The following MCF2L variants were observed in gnomAD, a reference collection of about 807,000 sequenced individuals.
MCF2L encodes MCF.2 cell line derived transforming sequence like.
Under a neutral mutation model 153.4 loss-of-function variants are expected in MCF2L, and 97 were observed. The ratio of observed to expected loss-of-function variants is 0.63; its 90% CI spans 0.54 to 0.75. The LOEUF is 0.75. Among genes scored for constraint, MCF2L ranks in the 30% least tolerant of loss-of-function variants. MCF2L has a pLI of 0.00. For synonymous variants in MCF2L, 659 were observed against 632.2 expected, an observed-to-expected ratio of 1.04 and a Z score of -0.64; for missense variants, 1,347 against 1,495.2, an observed-to-expected ratio of 0.90 and a Z score of 1.64.
chr13:112,919,205 ATTTTT>A (rs11431408), intron 2 of MCF2L, among the ~76,000 whole-genome samples: 10 of 125,664 alleles, frequency 8.0e-5, no homozygotes, highest in Admixed American at 7.0e-4. Flanking sequence ...AAGAATTTGC[ATTTTT>A]TTTTTTTTTT....
intron 27 of MCF2L, chr13:113,095,034 C>G: frequency 7.3e-7 from 1 of 1,369,498 alleles, no homozygotes; most frequent in East Asian, 4.5e-5. Context: ...ACAGTCCCCA[C>G]CCCCCTACCC....
At chr13:112,997,439 G>T (rs1286647632) in intron 1 of MCF2L, among the ~76,000 whole-genome samples, 1 of 152,230 alleles carries the variant, frequency 6.6e-6, no homozygotes, top group Non-Finnish European at 1.5e-5. Context: ...CCCGTACGTG[G>T]ACAGCAGAGT....
At chr13:113,026,569 T>C (rs1179754755) in intron 3 of MCF2L, among the ~76,000 whole-genome samples, 3 of 152,208 alleles carry the variant, frequency 2.0e-5, no homozygotes, top group Non-Finnish European at 4.4e-5. Flanking sequence ...CGCATGCCTG[T>C]TCGATCAGCA....
At position 112,938,477 on chromosome 13, in the gene MCF2L, C is replaced by G. The variant is rs138892557; in HGVS notation, c.169+36106C>G. On this transcript the variant is annotated intron_variant, in intron 2 of 29. Transcript: ENST00000375608. ...CCCAGTTGGGCACTCCGGGTGGGCT[C>G]TTTCGGGTCCACATTTGTTCACAAT... Among the ~76,000 whole-genome samples the G allele has an allele frequency of 2.5e-3, 378 of 152,266 alleles. 1 individual carries two copies. Among genetic ancestry groups the G allele is most frequent in the African/African-American group, 8.9e-3 (368 of 41,554 alleles).
In MCF2L at chr13:112,993,266, G is replaced by A. The variant is rs1424274210; in HGVS notation, c.80-21497G>A. Among the ~76,000 whole-genome samples, 3 of 152,258 alleles carry A rather than the reference G, an allele frequency of 2.0e-5. No homozygotes were observed. Among genetic ancestry groups the A allele is most frequent in the Admixed American group, 1.3e-4 (2 of 15,290 alleles). ...GTCTTCGTGTGAACATGGTGGCGGG[G>A]GAGCGCCGGGCACACAACATGGTGG... On this transcript the variant is annotated intron_variant, in intron 1 of 29. Coordinates refer to ENST00000535094, the MANE Select transcript of MCF2L (RefSeq NM_001112732.3). The surrounding 1 kb of genome is among the most constrained non-coding windows in gnomAD (Gnocchi z 4.6).
intron 1 of MCF2L, among the ~76,000 whole-genome samples, chr13:112,970,887 G>A (rs1203086975): frequency 6.6e-6 from 1 of 152,176 alleles, no homozygotes; most frequent in African/African-American, 2.4e-5. Flanking sequence ...GTCTCATCTG[G>A]AACAGGCAGT....
At chr13:112,999,056 G>A (rs1245656980) in intron 1 of MCF2L, among the ~76,000 whole-genome samples, 3 of 152,224 alleles carry the variant, frequency 2.0e-5, no homozygotes, top group African/African-American at 4.8e-5. Flanking sequence ...TCCGGCCTCT[G>A]ATGGGCATTA....
chr13:113,040,169 G>T (rs916741712), intron 3 of MCF2L, among the ~76,000 whole-genome samples: 1 of 152,184 alleles, frequency 6.6e-6, no homozygotes, highest in Non-Finnish European at 1.5e-5. Context: ...AAATTCAACG[G>T]CAGGCAAAAC....
In MCF2L at chr13:113,046,572, T is replaced by G; in HGVS notation, c.369+1211T>G. ...AAAAGTCATTCCTTTCCCCGCACATTGCCTCATTCCTTCATCTTTTACAAG... is the reference window on the plus strand; with the variant it reads ...AAAAGTCATTCCTTTCCCCGCACATGGCCTCATTCCTTCATCTTTTACAAG... On this transcript the variant is annotated intron_variant, in intron 4 of 29. Coordinates refer to ENST00000535094, the MANE Select transcript of MCF2L (RefSeq NM_001112732.3). The surrounding 1 kb of genome is among the most constrained non-coding windows in gnomAD (Gnocchi z 4.4). 1 of 533,406 alleles carries G rather than the reference T, an allele frequency of 1.9e-6. No homozygotes were observed. The highest frequency in any genetic ancestry group is 3.8e-6 in the Non-Finnish European group (1 of 259,918). The allele number at this position is 533,406 out of a possible 1,614,324, so 33.0% of individuals were successfully genotyped here. A position where few individuals can be genotyped will look rare whatever the true frequency, so the allele number is the denominator to read the frequency against.
chr13:113,090,046 GT>G, intron 26 of MCF2L: 1 of 1,583,280 alleles, frequency 6.3e-7, no homozygotes, highest in East Asian at 2.3e-5. Flanking sequence ...CCTCTGCATA[GT>G]TTCTTTCTCT....
chr13:113,045,065 C>T lies in MCF2L; in HGVS notation c.279-206C>T, dbSNP rs1214764252. 5.9e-6 allele frequency: 6 copies of T among 1,023,972 alleles called. No individual in the cohort carries two copies. Among genetic ancestry groups the T allele is most frequent in the Non-Finnish European group, 7.2e-6 (5 of 696,340 alleles). 63.4% of individuals were successfully genotyped at this position (1,023,972 alleles called of 1,614,324 possible). Reference sequence around the variant, plus strand: ...GAGAAATAAGAACACACCAAAAGTGCCTGCCCTTCCGTAGATGAGAGCAGG... The same window carrying T: ...GAGAAATAAGAACACACCAAAAGTGTCTGCCCTTCCGTAGATGAGAGCAGG... On this transcript the variant is annotated intron_variant, in intron 3 of 29. Coordinates refer to ENST00000535094, the MANE Select transcript of MCF2L (RefSeq NM_001112732.3). This position sits in a 1 kb window ranked among gnomAD's most constrained non-coding sequence, Gnocchi z 4.2.
rs1351395301 is a variant in MCF2L at position 113,074,418 on chromosome 13, C to A, written c.997-26C>A. The A allele has an allele frequency of 2.5e-6, 4 of 1,604,226 alleles. No homozygotes were observed. The highest frequency in any genetic ancestry group is 2.2e-5 in the East Asian group (1 of 44,604). The stretch of plus-strand genomic sequence containing the variant: ...CTGTTCAGGTGAGGGAGACACCCCC[C>A]TGAGATGGGCCCTCCTCTGTTCCAG... On this transcript the variant is annotated intron_variant, in intron 9 of 29. Transcript: ENST00000535094. The surrounding 1 kb of genome is among the most constrained non-coding windows in gnomAD (Gnocchi z 4.2).
At chr13:112,908,575 G>A (rs1335569726) in intron 2 of MCF2L, among the ~76,000 whole-genome samples, 7 of 152,118 alleles carry the variant, frequency 4.6e-5, no homozygotes, top group African/African-American at 1.7e-4. Flanking sequence ...GAAGTTAGGG[G>A]TTTCTGCCTG....
intron 4 of MCF2L, among the ~76,000 whole-genome samples, chr13:113,055,541 C>G (rs1482229988): frequency 1.3e-5 from 2 of 152,082 alleles, no homozygotes; most frequent in Non-Finnish European, 2.9e-5. Flanking sequence ...ATTCATCGCA[C>G]CATCAGAAAA....
rs2082973882 is a variant in MCF2L, at chr13:112,993,439, G to A, written c.80-21324G>A. Among the ~76,000 whole-genome samples, 1 of 152,172 alleles carries A rather than the reference G, an allele frequency of 6.6e-6. No individual in the cohort carries two copies. The highest frequency in any genetic ancestry group is 1.5e-5 in the Non-Finnish European group (1 of 68,032). On this transcript the variant is annotated intron_variant, in intron 1 of 29. Transcript: ENST00000535094. The surrounding 1 kb of genome is among the most constrained non-coding windows in gnomAD (Gnocchi z 4.6). The stretch of plus-strand genomic sequence containing the variant: ...GAAATGAGACTCAGCTTTCAGCAAG[G>A]AAATCAGGGAGCAGGTGGCAGTCGG...
rs773534963 is a variant in MCF2L at position 113,060,665 on chromosome 13, G to A, written c.442G>A (p.Asp148Asn). 13 of 1,613,478 alleles carry A rather than the reference G, an allele frequency of 8.1e-6. No homozygotes were observed. The highest frequency in any genetic ancestry group is 2.2e-5 in the East Asian group (1 of 44,878). Residue 148 changes from aspartate to asparagine, a missense_variant, in exon 5 of 30, where the codon GAC becomes AAC. Physicochemically the swap from Asp to Asn is conservative, Grantham distance 23 (BLOSUM62 1). Transcript: ENST00000535094. Reference sequence around the variant, plus strand: ...GGGTTTTTTCCAAAGGACTCTCTCCGACATCGCTTTCAAATTCAATAGAGA... The same window carrying A: ...GGGTTTTTTCCAAAGGACTCTCTCCAACATCGCTTTCAAATTCAATAGAGA... ...PTGFFQRTLS[D>N]IAFKFNRDDF...
At chr13:113,085,264 GC>G in intron 20 of MCF2L, 86 bp downstream of exon 20, 1 of 1,152,608 alleles carries the variant, frequency 8.7e-7, no homozygotes, top group Non-Finnish European at 1.3e-6. Flanking sequence ...TCCCCATCGC[GC>G]CCTGCCCCTC....
In MCF2L at chr13:113,094,576, G is replaced by A. The variant is rs2035491044; in HGVS notation, c.3016G>A (p.Glu1006Lys). 6.2e-7 allele frequency: 1 copy of A among 1,612,570 alleles called. No homozygotes were observed. Among genetic ancestry groups the A allele is most frequent in the Non-Finnish European group, 8.5e-7 (1 of 1,179,734 alleles). ...PEDDGGWSSA[E>K]EQINSSDAEE... ...GGACGACGGGGGCTGGTCAAGTGCAGAGGAGCAGATTAACTCGTCCGACGC... is the reference window on the plus strand; with the variant it reads ...GGACGACGGGGGCTGGTCAAGTGCAAAGGAGCAGATTAACTCGTCCGACGC... Residue 1006 changes from glutamate to lysine, a missense_variant, in exon 27 of 30, where the codon GAG becomes AAG. By Grantham distance (56) the Glu-to-Lys change is moderately conservative (BLOSUM62 1). This residue lies in a region of MCF2L where 383 missense variants were observed against 335.4 expected (regional missense o/e 1.14). Coordinates refer to ENST00000535094, the MANE Select transcript of MCF2L (RefSeq NM_001112732.3).
chr13:113,000,111 C>T (rs1450422620), intron 1 of MCF2L, among the ~76,000 whole-genome samples: 3 of 152,154 alleles, frequency 2.0e-5, no homozygotes, highest in African/African-American at 4.8e-5. Flanking sequence ...TGGCCTCCCC[C>T]GGGGCTCGTG....
Sources: gnomAD v4.1 joint callset for allele counts (sites outside exome capture counted in the v4.1 genomes callset) on GRCh38, gnomAD v4.1.1 for gene constraint, gnomAD v4.1.1 regional missense constraint, Gnocchi (gnomAD v3.1) non-coding constraint, MANE v1.5 for transcripts, NCBI Gene and HGNC (gene_info 2026-07-23, HGNC 2026-07-21) for gene names.